Variants in FHIP1A observed in about 807,000 individuals in gnomAD.
FHIP1A encodes the protein FHF complex subunit HOOK interacting protein 1A.
Under a neutral mutation model 88.6 loss-of-function variants are expected in FHIP1A, and 61 were observed. The observed-to-expected ratio is 0.69, with a 90% CI of 0.56 to 0.85. FHIP1A has a LOEUF of 0.85. FHIP1A is among the 40% of genes least tolerant of loss of function. The pLI is 0.00. For synonymous variants in FHIP1A, 478 were observed against 496.0 expected, an observed-to-expected ratio of 0.96 and a Z score of 0.48; for missense variants, 1,154 against 1,273.5, an observed-to-expected ratio of 0.91 and a Z score of 1.43.
At chr4:151,661,947 G>A (rs982236268) in intron 13 of FHIP1A, among the ~76,000 whole-genome samples, 7 of 152,162 alleles carry the variant, frequency 4.6e-5, no homozygotes, top group Non-Finnish European at 1.0e-4. Context: ...TATGTAAAAC[G>A]TTGGAGGTCC....
At chr4:151,641,574 T>C (rs6811676) in intron 9 of FHIP1A, among the ~76,000 whole-genome samples, 43,410 of 152,128 alleles carry the variant, frequency 0.29, 6,434 homozygotes, top group Non-Finnish European at 0.33. Flanking sequence ...TTAGTGCTAG[T>C]GTATTTTATG....
At chr4:151,422,155 G>A (rs1580545341) in intron 1 of FHIP1A, among the ~76,000 whole-genome samples, 1 of 151,122 alleles carries the variant, frequency 6.6e-6, no homozygotes, top group South Asian at 2.1e-4. Flanking sequence ...CTCAAGTAAA[G>A]TGACAAAAAT....
intron 3 of FHIP1A, among the ~76,000 whole-genome samples, chr4:151,545,369 C>CTTTTTTTTTTTTTTT (rs569126288): frequency 6.1e-5 from 5 of 81,652 alleles, no homozygotes; most frequent in African/African-American, 2.5e-4. Flanking sequence ...CCTTATCCTT[C>CTTTTTTTTTTTTTTT]TTTTTTTTTT....
At chr4:151,590,765 C>T (rs1364258351) in intron 7 of FHIP1A, among the ~76,000 whole-genome samples, 4 of 152,164 alleles carry the variant, frequency 2.6e-5, no homozygotes, top group Admixed American at 2.0e-4. Flanking sequence ...TAGCTCTTTA[C>T]ATATATTATG....
intron 2 of FHIP1A, among the ~76,000 whole-genome samples, chr4:151,463,020 GCC>G (rs1260357470): frequency 6.6e-6 from 1 of 152,142 alleles, no homozygotes; most frequent in Non-Finnish European, 1.5e-5. Flanking sequence ...CACAGTGTTG[GCC>G]GGTTGAGGGT....
intron 10 of FHIP1A, among the ~76,000 whole-genome samples, chr4:151,647,880 T>C (rs1345170102): frequency 1.3e-5 from 2 of 152,208 alleles, no homozygotes; most frequent in African/African-American, 4.8e-5. Flanking sequence ...ACTTCTCTCC[T>C]GGTGTGATCA....
At chr4:151,529,011 C>T (rs1384248330) in intron 3 of FHIP1A, among the ~76,000 whole-genome samples, 1 of 152,204 alleles carries the variant, frequency 6.6e-6, no homozygotes, top group Non-Finnish European at 1.5e-5. Flanking sequence ...TGAGAGGCAT[C>T]TTGAGCCCTT....
intron 3 of FHIP1A, among the ~76,000 whole-genome samples, chr4:151,554,774 T>G (rs937776295): frequency 6.6e-6 from 1 of 152,228 alleles, no homozygotes; most frequent in Non-Finnish European, 1.5e-5. Context: ...GTTAAAAGCA[T>G]GCAGTTTCTT....
At chr4:151,489,084 G>A (rs1252683358) in intron 3 of FHIP1A, among the ~76,000 whole-genome samples, 3 of 152,156 alleles carry the variant, frequency 2.0e-5, no homozygotes, top group Non-Finnish European at 4.4e-5. Flanking sequence ...GCAGCTTACC[G>A]CTGCAAACTC....
intron 9 of FHIP1A, among the ~76,000 whole-genome samples, chr4:151,643,821 G>C (rs908318421): frequency 2.0e-4 from 31 of 152,036 alleles, no homozygotes; most frequent in South Asian, 6.2e-4. Context: ...CAACCAATAG[G>C]GGATCTCCCT....
At position 151,586,696 on chromosome 4, in the gene FHIP1A, A is replaced by G. The variant is rs748140169; in HGVS notation, c.788A>G (p.Glu263Gly). The change falls in exon 6 of 14, where the codon GAG (glutamate) becomes GGG (glycine). Residue 263 changes from glutamate to glycine, a missense_variant. Transcript: ENST00000435205. ...TCTTCCCTGCCTACAAAGCTAGAAG[A>G]GAAAGGCGAGGAATGGCACTGCCTT... Reference protein sequence around the residue: ...LYSSLPTKLEEKGEEWHCLLK... With the variant: ...LYSSLPTKLEGKGEEWHCLLK... The G allele has an allele frequency of 4.5e-6, 7 of 1,551,286 alleles. No individual in the cohort carries two copies. In the African/African-American group the frequency reaches 9.6e-5, roughly 21 times the overall value.
At chr4:151,553,817 T>C (rs1483722968) in intron 3 of FHIP1A, among the ~76,000 whole-genome samples, 2 of 152,202 alleles carry the variant, frequency 1.3e-5, no homozygotes, top group Admixed American at 6.6e-5. Context: ...GTTGACCTTA[T>C]GTCCAAGCAA....
chr4:151,495,625 CTT>C (rs11450043), intron 3 of FHIP1A, among the ~76,000 whole-genome samples: 7 of 135,076 alleles, frequency 5.2e-5, no homozygotes, highest in Admixed American at 7.4e-5. Context: ...GCTATATATT[CTT>C]TTTTTTTTTT....
At chr4:151,639,417 A>G (rs1406520778) in intron 9 of FHIP1A, among the ~76,000 whole-genome samples, 1 of 152,224 alleles carries the variant, frequency 6.6e-6, no homozygotes, top group Non-Finnish European at 1.5e-5. Flanking sequence ...ACTCAGGAAC[A>G]CCAAATCTTG....
At chr4:151,485,685 G>A (rs183265466) in intron 3 of FHIP1A, among the ~76,000 whole-genome samples, 53 of 150,566 alleles carry the variant, frequency 3.5e-4, no homozygotes, top group South Asian at 1.5e-3. Flanking sequence ...TTGACCTCCC[G>A]GGCTCAAACA....
intron 1 of FHIP1A, among the ~76,000 whole-genome samples, chr4:151,433,684 A>T (rs1189183042): frequency 6.6e-6 from 1 of 152,044 alleles, no homozygotes; most frequent in African/African-American, 2.4e-5. Context: ...GAGAGAAGGG[A>T]GGTGAGGTGG....
intron 1 of FHIP1A, among the ~76,000 whole-genome samples, chr4:151,425,467 A>T (rs1006377185): frequency 7.9e-5 from 12 of 152,292 alleles, no homozygotes; most frequent in Non-Finnish European, 1.6e-4. Flanking sequence ...ATAATATGAG[A>T]AATTTAAACT....
At chr4:151,637,917 A>G (rs999295511) in intron 8 of FHIP1A, among the ~76,000 whole-genome samples, 2 of 152,310 alleles carry the variant, frequency 1.3e-5, no homozygotes, top group East Asian at 1.9e-4. Flanking sequence ...ACAGACTAGC[A>G]TTTATTCTCC....
chr4:151,598,295 C>T (rs963463425), intron 7 of FHIP1A, among the ~76,000 whole-genome samples: 2 of 152,120 alleles, frequency 1.3e-5, no homozygotes, highest in African/African-American at 4.8e-5. Flanking sequence ...GCGAGTTCCC[C>T]GACTCCTCGA....
Sources: gnomAD v4.1 joint callset for allele counts (sites outside exome capture counted in the v4.1 genomes callset) on GRCh38, gnomAD v4.1.1 for gene constraint, MANE v1.5 for transcripts, NCBI Gene and HGNC (gene_info 2026-07-23, HGNC 2026-07-21) for gene names.